Variants in FGF12 observed in about 807,000 individuals in gnomAD.
The protein encoded by FGF12 is fibroblast growth factor 12B.
Under a neutral mutation model 23.6 loss-of-function variants are expected in FGF12, and 14 were observed. That is an observed-to-expected ratio of 0.59 (90% CI 0.39 to 0.93). The LOEUF is 0.93. Among genes scored for constraint, FGF12 ranks in the 40% least tolerant of loss-of-function variants. The pLI, the probability that FGF12 is intolerant of heterozygous loss-of-function variation, is 0.00. For synonymous variants in FGF12, 62 were observed against 77.3 expected (o/e 0.80, Z 1.04); for missense variants, 175 against 217.8 (o/e 0.80, Z 1.24).
rs1177087609 is a variant in FGF12 at position 192,408,906 on chromosome 3, T to G, written c.14-48368A>C. 1 of 985,316 alleles carries G rather than the reference T, an allele frequency of 1.0e-6. No individual in the cohort carries two copies. Among genetic ancestry groups the G allele is most frequent in the African/African-American group, 1.7e-5 (1 of 57,318 alleles). 61.0% of individuals were successfully genotyped at this position (985,316 alleles called of 1,614,324 possible). Reference sequence around the variant, plus strand: ...GGTCTACAGAATGCATCGCGCCGGCTGCGGCTTTCCAGGGGCCGGCCACCC... The same window carrying G: ...GGTCTACAGAATGCATCGCGCCGGCGGCGGCTTTCCAGGGGCCGGCCACCC... On this transcript the variant is annotated intron_variant, in intron 2 of 5. Transcript: ENST00000445105. The surrounding 1 kb of genome is among the most constrained non-coding windows in gnomAD (Gnocchi z 7.3).
Position 192,408,982 on chromosome 3 carries a change from G to A in FGF12, c.14-48444C>T. 1.0e-6 allele frequency: 1 copy of A among 984,558 alleles called. No individual in the cohort carries two copies. The highest frequency in any genetic ancestry group is 1.2e-6 in the Non-Finnish European group (1 of 829,600). 61.0% of individuals were successfully genotyped at this position (984,558 alleles called of 1,614,324 possible). A position where few individuals can be genotyped will look rare whatever the true frequency, so the allele number is the denominator to read the frequency against. The stretch of plus-strand genomic sequence containing the variant: ...AAGTGGGAGCGGTTACCCGGAGTCT[G>A]GGTAGGGGCGCGGGGCGGGGGCAGC... On this transcript the variant is annotated intron_variant, in intron 2 of 5. Coordinates refer to ENST00000445105, the MANE Select transcript of FGF12 (RefSeq NM_004113.6). The surrounding 1 kb of genome is among the most constrained non-coding windows in gnomAD (Gnocchi z 7.3).
At chr3:192,688,189 C>G (rs143851051) in intron 2 of FGF12, among the ~76,000 whole-genome samples, 1 of 152,258 alleles carries the variant, frequency 6.6e-6, no homozygotes, top group East Asian at 1.9e-4. Flanking sequence ...CAGCTCTTGC[C>G]ACCAAGAACG....
chr3:192,378,507 C>T (rs949970578), intron 2 of FGF12, among the ~76,000 whole-genome samples: 4 of 152,140 alleles, frequency 2.6e-5, no homozygotes, highest in Non-Finnish European at 4.4e-5. Flanking sequence ...TTAGATTATT[C>T]ATAAACATAA....
intron 4 of FGF12, among the ~76,000 whole-genome samples, chr3:192,212,314 T>C (rs1717972587): frequency 6.6e-6 from 1 of 152,222 alleles, no homozygotes; most frequent in South Asian, 2.1e-4. Flanking sequence ...ACTGTCATTT[T>C]GCAGCTATGA....
chr3:192,519,643 T>C (rs1724765369), intron 2 of FGF12, among the ~76,000 whole-genome samples: 1 of 152,238 alleles, frequency 6.6e-6, no homozygotes, highest in Non-Finnish European at 1.5e-5. Flanking sequence ...TTAGCATCCA[T>C]TGACAGATCT....
At chr3:192,220,502 T>C (rs1402157713) in intron 4 of FGF12, among the ~76,000 whole-genome samples, 2 of 152,168 alleles carry the variant, frequency 1.3e-5, no homozygotes, top group Non-Finnish European at 2.9e-5. Context: ...AAACACCATT[T>C]CCTTCTGAAG....
At chr3:192,222,327 C>T (rs1011759201) in intron 4 of FGF12, among the ~76,000 whole-genome samples, 19 of 152,134 alleles carry the variant, frequency 1.2e-4, no homozygotes, top group African/African-American at 2.2e-4. Context: ...TAAGGTTCTT[C>T]GGCTGTAACA....
At position 192,568,388 on chromosome 3, in the gene FGF12, CG is replaced by C. The variant is rs1300162532; in HGVS notation, c.13+158792del. Among the ~76,000 whole-genome samples the C allele has an allele frequency of 5.3e-5, 8 of 152,186 alleles. No homozygotes were observed. In the East Asian group the frequency reaches 1.4e-3, roughly 26 times the overall value. On this transcript the variant is annotated intron_variant, in intron 2 of 5. Transcript: ENST00000445105. ...TACACATTATGGACTCCTACCCTTC[CG>C]TGTGTTTAGTTGCCATAGAGCAATA...
Position 192,264,527 on chromosome 3 carries a change from T to A in FGF12, c.228+70834A>T, listed in dbSNP as rs140055308. Among the ~76,000 whole-genome samples the A allele has an allele frequency of 6.2e-4, 95 of 152,236 alleles. 1 individual carries two copies. The East Asian group carries it at 0.017, about 28-fold the overall frequency. On this transcript the variant is annotated intron_variant, in intron 4 of 5. Transcript: ENST00000445105. ...AGGGTAAACAAAAATTCAAAGAGCG[T>A]AATTAAAATAATTTAAATGATTTAT...
At chr3:192,407,293 G>A (rs1033646297) in intron 2 of FGF12, among the ~76,000 whole-genome samples, 2 of 152,174 alleles carry the variant, frequency 1.3e-5, no homozygotes, top group East Asian at 3.8e-4. Flanking sequence ...ATACTGTCTT[G>A]TTCCCTCAAT....
At chr3:192,337,099 A>G (rs1275645331) in intron 3 of FGF12, among the ~76,000 whole-genome samples, 1 of 152,204 alleles carries the variant, frequency 6.6e-6, no homozygotes, top group Non-Finnish European at 1.5e-5. Context: ...CTTAAGAAAT[A>G]CAAGAACTAG....
intron 2 of FGF12, among the ~76,000 whole-genome samples, chr3:192,692,891 A>G (rs1560196295): frequency 6.6e-6 from 1 of 152,060 alleles, no homozygotes; most frequent in Non-Finnish European, 1.5e-5. Flanking sequence ...GCTTTTCTCT[A>G]GGGTCTGGCT....
intron 4 of FGF12, among the ~76,000 whole-genome samples, chr3:192,276,266 G>T (rs1713778942): frequency 6.6e-6 from 1 of 152,142 alleles, no homozygotes; most frequent in African/African-American, 2.4e-5. Flanking sequence ...AACTTCAAGA[G>T]GAAATGCATG....
chr3:192,375,344 T>A (rs959087364), intron 2 of FGF12, among the ~76,000 whole-genome samples: 1 of 152,174 alleles, frequency 6.6e-6, no homozygotes, highest in African/African-American at 2.4e-5. Flanking sequence ...ATTGATTTAG[T>A]CTCCCTTATA....
chr3:192,197,304 G>T (rs893481090), intron 4 of FGF12, among the ~76,000 whole-genome samples: 1 of 152,076 alleles, frequency 6.6e-6, no homozygotes, highest in Non-Finnish European at 1.5e-5. Context: ...TTTCAAACAC[G>T]TATCGTGTGT....
intron 2 of FGF12, 128 bp downstream of exon 2, chr3:192,727,053 C>T (rs992955927): frequency 1.7e-6 from 2 of 1,173,278 alleles, no homozygotes; most frequent in South Asian, 1.3e-5. Context: ...CTGCAATGGA[C>T]ATAGCATCTC....
chr3:192,635,347 C>T (rs146514696), intron 2 of FGF12, among the ~76,000 whole-genome samples: 1 of 152,140 alleles, frequency 6.6e-6, no homozygotes, highest in Non-Finnish European at 1.5e-5. Flanking sequence ...TTAGGCCAAC[C>T]TGATTGTGTT....
chr3:192,496,653 C>T (rs1370387820), intron 2 of FGF12, among the ~76,000 whole-genome samples: 24 of 152,116 alleles, frequency 1.6e-4, no homozygotes, highest in Admixed American at 1.5e-3. Context: ...GTTTCCTGAG[C>T]CCTTTCAAAT....
intron 2 of FGF12, among the ~76,000 whole-genome samples, chr3:192,532,054 G>A (rs1188598796): frequency 6.6e-6 from 1 of 152,108 alleles, no homozygotes; most frequent in Non-Finnish European, 1.5e-5. Flanking sequence ...AGATCAATTA[G>A]CTATAAGTGT....
Sources: allele counts gnomAD v4.1 joint callset (sites outside exome capture counted in the v4.1 genomes callset), GRCh38; gene constraint gnomAD v4.1.1; non-coding constraint Gnocchi (gnomAD v3.1); transcripts MANE v1.5; gene names NCBI Gene and HGNC (gene_info 2026-07-23, HGNC 2026-07-21).